SHD: variants seen among roughly 807,000 people sequenced by gnomAD.
SHD encodes the protein SH2 domain-containing adapter protein D.
Under a neutral mutation model 31.2 loss-of-function variants are expected in SHD, and 29 were observed. That is an observed-to-expected ratio of 0.93 (90% CI 0.69 to 1.27). The LOEUF (loss-of-function observed/expected upper bound fraction) is 1.27. Among genes scored for constraint, SHD ranks in the 50% most tolerant of loss-of-function variants. The probability of loss-of-function intolerance (pLI) is 0.00; values close to 1 mark genes in which losing one functional copy is unlikely to be tolerated. For synonymous variants in SHD, 208 were observed against 187.8 expected, an observed-to-expected ratio of 1.11 and a Z score of -0.88; for missense variants, 520 against 453.8, an observed-to-expected ratio of 1.15 and a Z score of -1.33.
At chr19:4,281,627 G>A (rs911632191) in intron 1 of SHD, among the ~76,000 whole-genome samples, 15 of 151,014 alleles carry the variant, frequency 9.9e-5, no homozygotes. Flanking sequence ...GCGATGTGGC[G>A]TGCGCCTATA....
chr19:4,286,255 CTTTCTCTCTTTCTTTCTTTCTTTCTTTT>C (rs1568369395), intron 4 of SHD, among the ~76,000 whole-genome samples: 30 of 108,430 alleles, frequency 2.8e-4, no homozygotes, highest in Middle Eastern at 4.3e-3. Context: ...TTCTTTCTTT[CTTTCTCTCTTTCTTTCTTTCTTTCTTTT>C]TTTCTTTCCT....
At chr19:4,282,195 G>A (rs1599511712) in intron 1 of SHD, among the ~76,000 whole-genome samples, 2 of 151,714 alleles carry the variant, frequency 1.3e-5, no homozygotes, top group African/African-American at 4.8e-5. Context: ...TGAAGCGGGC[G>A]GATCATCTGA....
chr19:4,288,760 C>G (rs986797609), intron 5 of SHD, among the ~76,000 whole-genome samples: 1 of 152,136 alleles, frequency 6.6e-6, no homozygotes, highest in African/African-American at 2.4e-5. Context: ...TTTGTACGCA[C>G]TTCCGTCCCT....
At chr19:4,290,311 C>T in intron 5 of SHD, 136 bp from the exon 6 acceptor site, 1 of 873,462 alleles carries the variant, frequency 1.1e-6, no homozygotes, top group Admixed American at 2.7e-5. Flanking sequence ...AGTATACCAG[C>T]CACCACACTG....
chr19:4,285,896 T>C (rs1369246427), intron 4 of SHD, among the ~76,000 whole-genome samples: 5 of 127,316 alleles, frequency 3.9e-5, no homozygotes, highest in Admixed American at 1.6e-4. Flanking sequence ...TTTCTTTTTT[T>C]TTTTTTTTTT....
chr19:4,280,232 C>T lies in SHD; in HGVS notation c.169C>T (p.Pro57Ser). Residue 57 changes from proline to serine, a missense_variant, in exon 1 of 6, where the codon CCC becomes TCC. Pro to Ser is a moderately conservative substitution (Grantham distance 74). Transcript: ENST00000543264. ...CGCGGAGAGCCGCTTGGAGCCGGAC[C>T]CCGCGGGCCCTGGGGACTCCAAGAA... is the stretch of plus-strand genomic sequence containing the variant. ...EDAESRLEPD[P>S]AGPGDSKNPG... 6.2e-7 allele frequency: 1 copy of T among 1,613,810 alleles called. No individual in the cohort carries two copies. Among genetic ancestry groups the T allele is most frequent in the Non-Finnish European group, 8.5e-7 (1 of 1,179,998 alleles).
intron 5 of SHD, among the ~76,000 whole-genome samples, chr19:4,289,437 G>T (rs983409184): frequency 6.6e-6 from 1 of 151,614 alleles, no homozygotes; most frequent in African/African-American, 2.4e-5. Flanking sequence ...GTACAGACAG[G>T]GTTTCGCCAT....
rs1239048336 is a variant in SHD at position 4,280,075 on chromosome 19, GCTACGGGA to G, written c.17_24del (p.Arg6ProfsTer39). On this transcript the variant is annotated frameshift_variant, in exon 1 of 6. Coordinates refer to ENST00000543264, the MANE Select transcript of SHD (RefSeq NM_020209.4). LOFTEE classifies it high-confidence loss of function. ...TGACAGGCGCCCAAATGGCCAAGTG[GCTACGGGA>G]CTACCTGAGCTTTGGGGGTCGGAGG... is the stretch of plus-strand genomic sequence containing the variant. 2 of 1,605,874 alleles carry G rather than the reference GCTACGGGA, an allele frequency of 1.2e-6. No individual in the cohort carries two copies. The highest frequency in any genetic ancestry group is 1.7e-6 in the Non-Finnish European group (2 of 1,177,036).
At chr19:4,286,261 C>CTTTCCTTCCTTCCT (rs1971313931) in intron 4 of SHD, among the ~76,000 whole-genome samples, 2 of 99,164 alleles carry the variant, frequency 2.0e-5, no homozygotes, top group African/African-American at 6.7e-5. Flanking sequence ...CTTTCTTTCT[C>CTTTCCTTCCTTCCT]TCTTTCTTTC....
intron 4 of SHD, among the ~76,000 whole-genome samples, chr19:4,286,278 T>C (rs1568369457): frequency 5.7e-4 from 65 of 114,912 alleles, no homozygotes; most frequent in Admixed American, 1.7e-3. Context: ...TTTCTTTCTT[T>C]CTTTTTTTCT....
At chr19:4,283,003 G>A in intron 2 of SHD, 28 bp downstream of exon 2, 3 of 1,614,068 alleles carry the variant, frequency 1.9e-6, no homozygotes, top group Non-Finnish European at 2.5e-6. Flanking sequence ...GGGGGAAGGT[G>A]ACAGGGTCCC....
chr19:4,280,677 G>C (rs1971248614), intron 1 of SHD, among the ~76,000 whole-genome samples: 1 of 152,004 alleles, frequency 6.6e-6, no homozygotes, highest in Non-Finnish European at 1.5e-5. Context: ...ACAGGTGTGT[G>C]CCACCACACC....
At position 4,280,234 on chromosome 19, in the gene SHD, C is replaced by T; in HGVS notation, c.171C>T (p.Pro57=). The T allele has an allele frequency of 2.5e-6, 4 of 1,613,854 alleles. No individual in the cohort carries two copies. Among genetic ancestry groups the T allele is most frequent in the Non-Finnish European group, 3.4e-6 (4 of 1,180,020 alleles). Residue 57 remains proline (P), a synonymous_variant, in exon 1 of 6, where the codon CCC becomes CCT. Coordinates refer to ENST00000543264, the MANE Select transcript of SHD (RefSeq NM_020209.4). ...EDAESRLEPD[P]AGPGDSKNPG... ...CGGAGAGCCGCTTGGAGCCGGACCC[C>T]GCGGGCCCTGGGGACTCCAAGAACC...
chr19:4,282,979 A>G lies in SHD; in HGVS notation c.403+4A>G. On this transcript the variant is annotated splice_donor_region_variant and intron_variant, in intron 2 of 5. Transcript: ENST00000543264. ...GATGCCCAATGGGTCATGAGTGGTG[A>G]GTAGGCACGGCTTGGGGGAAGGTGA... The G allele has an allele frequency of 6.2e-7, 1 of 1,614,054 alleles. No individual in the cohort carries two copies. The highest frequency in any genetic ancestry group is 8.5e-7 in the Non-Finnish European group (1 of 1,179,986).
In SHD at chr19:4,280,149, A is replaced by G. The variant is rs1339698762; in HGVS notation, c.86A>G (p.Asp29Gly). 6.2e-7 allele frequency: 1 copy of G among 1,613,638 alleles called. No individual in the cohort carries two copies. Among genetic ancestry groups the G allele is most frequent in the Non-Finnish European group, 8.5e-7 (1 of 1,179,972 alleles). ...CCCACCCCGGACTACACCGAGAGCG[A>G]CATCCTGAGGGCCTACCGCGCGCAG... ...QPPTPDYTES[D>G]ILRAYRAQKN... Residue 29 changes from aspartate (D) to glycine (G), a missense_variant, in exon 1 of 6, where the codon GAC becomes GGC. Physicochemically the swap from Asp to Gly is moderately conservative, Grantham distance 94. Transcript: ENST00000543264.
intron 1 of SHD, among the ~76,000 whole-genome samples, chr19:4,282,584 C>A: frequency 6.6e-6 from 1 of 151,870 alleles, no homozygotes; most frequent in East Asian, 1.9e-4. Flanking sequence ...GGCATGGTGG[C>A]GGGCGCCTGT....
intron 1 of SHD, among the ~76,000 whole-genome samples, chr19:4,281,545 G>T (rs1483749823): frequency 6.6e-6 from 1 of 151,636 alleles, no homozygotes; most frequent in Non-Finnish European, 1.5e-5. Flanking sequence ...ATCACCTGAG[G>T]TCAGGAGTTC....
At chr19:4,280,457 G>A (rs1971246604) in intron 1 of SHD, 97 bp downstream of exon 1, 2 of 1,346,986 alleles carry the variant, frequency 1.5e-6, no homozygotes, top group Non-Finnish European at 2.0e-6. Flanking sequence ...GATCACAGGA[G>A]GGGACTGGGG....
intron 1 of SHD, 147 bp downstream of exon 1, chr19:4,280,507 G>T (rs751375934): frequency 2.4e-6 from 2 of 834,846 alleles, no homozygotes; most frequent in Non-Finnish European, 3.6e-6. Context: ...ACCTCCACCT[G>T]CTTGGGGAAG....
Sources: allele counts gnomAD v4.1 joint callset (sites outside exome capture counted in the v4.1 genomes callset), GRCh38; gene constraint gnomAD v4.1.1; transcripts MANE v1.5; gene names NCBI Gene and HGNC (gene_info 2026-07-23, HGNC 2026-07-21).